Variants in SLC44A1 observed in about 807,000 individuals in gnomAD.
The protein encoded by SLC44A1 is solute carrier family 44 member 1.
SLC44A1 carries 26 observed loss-of-function variants against 79.3 expected under a neutral mutation model. The observed-to-expected ratio is 0.33, with a 90% CI of 0.24 to 0.46. The LOEUF is 0.46. SLC44A1 is among the 20% of genes least tolerant of loss of function. SLC44A1 has a pLI of 1.00. For synonymous variants in SLC44A1, 263 were observed against 286.2 expected, an observed-to-expected ratio of 0.92 and a Z score of 0.82; for missense variants, 688 against 798.1, an observed-to-expected ratio of 0.86 and a Z score of 1.66.
Position 105,396,244 on chromosome 9 carries a change from G to T in SLC44A1, c.*7188G>T. 2 of 984,844 alleles carry T rather than the reference G, an allele frequency of 2.0e-6. No homozygotes were observed. Among genetic ancestry groups the T allele is most frequent in the Non-Finnish European group, 2.4e-6 (2 of 829,460 alleles). 61.0% of individuals were successfully genotyped at this position (984,844 alleles called of 1,614,324 possible). On this transcript the variant is annotated 3_prime_UTR_variant, in exon 16 of 16. Coordinates refer to ENST00000374720, the MANE Select transcript of SLC44A1 (RefSeq NM_080546.5). ...TGTTATACTTTCTCAGAATATTCTG[G>T]ACCACTGAATGCACTTCTAATAGAG...
intron 15 of SLC44A1, among the ~76,000 whole-genome samples, chr9:105,430,657 C>A (rs1380995848): frequency 6.6e-6 from 1 of 152,106 alleles, no homozygotes; most frequent in Non-Finnish European, 1.5e-5. Context: ...ATATTTCGTT[C>A]ATTTATTCAT....
At chr9:105,260,360 C>T (rs1388638090) in intron 1 of SLC44A1, among the ~76,000 whole-genome samples, 2 of 152,144 alleles carry the variant, frequency 1.3e-5, no homozygotes, top group Non-Finnish European at 2.9e-5. Context: ...TTGAACTGCT[C>T]TCCTACACAG....
intron 3 of SLC44A1, among the ~76,000 whole-genome samples, chr9:105,332,358 G>A (rs1017969832): frequency 1.3e-5 from 2 of 152,130 alleles, no homozygotes; most frequent in Non-Finnish European, 2.9e-5. Context: ...GACCTTAAGC[G>A]ATCTGCCCAC....
intron 1 of SLC44A1, among the ~76,000 whole-genome samples, chr9:105,288,021 G>A (rs1445587766): frequency 6.6e-6 from 1 of 152,136 alleles, no homozygotes; most frequent in Non-Finnish European, 1.5e-5. Flanking sequence ...TAATTAAATA[G>A]CATTAATGGA....
At position 105,288,760 on chromosome 9, in the gene SLC44A1, C is replaced by T. The variant is rs573137789; in HGVS notation, c.37-10460C>T. Reference sequence around the variant, plus strand: ...CTTTCAGTTTCTTAACCAATGTTATCAGCGTTCTGAAAGTTTTTCAGTGAG... The same window carrying T: ...CTTTCAGTTTCTTAACCAATGTTATTAGCGTTCTGAAAGTTTTTCAGTGAG... On this transcript the variant is annotated intron_variant, in intron 1 of 15. Coordinates refer to ENST00000374720, the MANE Select transcript of SLC44A1 (RefSeq NM_080546.5). Among the ~76,000 whole-genome samples, 271 of 152,290 alleles carry T rather than the reference C, an allele frequency of 1.8e-3. 1 individual carries two copies. Among genetic ancestry groups the T allele is most frequent in the Middle Eastern group, 0.01 (3 of 294 alleles).
chr9:105,290,064 CCTT>C (rs1312440525), intron 1 of SLC44A1, among the ~76,000 whole-genome samples: 2 of 152,148 alleles, frequency 1.3e-5, no homozygotes, highest in Non-Finnish European at 2.9e-5. Context: ...GATCCACCCT[CCTT>C]GGCCTCCTAA....
intron 1 of SLC44A1, among the ~76,000 whole-genome samples, chr9:105,268,525 C>T (rs1032142076): frequency 5.3e-5 from 8 of 151,266 alleles, no homozygotes; most frequent in Non-Finnish European, 5.9e-5. Flanking sequence ...TTTTTTGAGA[C>T]GGAGTTTCGC....
At chr9:105,433,376 G>T (rs895135715) in intron 15 of SLC44A1, among the ~76,000 whole-genome samples, 5 of 152,000 alleles carry the variant, frequency 3.3e-5, no homozygotes, top group African/African-American at 1.2e-4. Flanking sequence ...GATTTAAATG[G>T]GTACCCCACA....
intron 15 of SLC44A1, among the ~76,000 whole-genome samples, chr9:105,417,981 C>G (rs1306691567): frequency 6.6e-6 from 1 of 151,920 alleles, no homozygotes; most frequent in East Asian, 1.9e-4. Context: ...TGTACCACTA[C>G]AGTCCAGTCT....
At position 105,389,874 on chromosome 9, in the gene SLC44A1, G is replaced by A. The variant is rs1809547055; in HGVS notation, c.*818G>A. 1 of 1,504,056 alleles carries A rather than the reference G, an allele frequency of 6.6e-7. No individual in the cohort carries two copies. The highest frequency in any genetic ancestry group is 8.9e-7 in the Non-Finnish European group (1 of 1,126,532). 93.2% of individuals were successfully genotyped at this position (1,504,056 alleles called of 1,614,324 possible). A position where few individuals can be genotyped will look rare whatever the true frequency, so the allele number is the denominator to read the frequency against. On this transcript the variant is annotated 3_prime_UTR_variant, in exon 16 of 16. Transcript: ENST00000374720. Reference sequence around the variant, plus strand: ...GAAGCTGGGGCACCCAGCGAGTTTAGCCTTTAAGTTTCTGTGTATTGATTT... The same window carrying A: ...GAAGCTGGGGCACCCAGCGAGTTTAACCTTTAAGTTTCTGTGTATTGATTT...
intron 2 of SLC44A1, among the ~76,000 whole-genome samples, chr9:105,302,958 A>G (rs900325732): frequency 1.3e-5 from 2 of 152,196 alleles, no homozygotes; most frequent in Non-Finnish European, 2.9e-5. Flanking sequence ...GTAGTGCTAA[A>G]GGAGAGGAAG....
At chr9:105,282,359 C>G (rs374532460) in intron 1 of SLC44A1, among the ~76,000 whole-genome samples, 55 of 151,906 alleles carry the variant, frequency 3.6e-4, no homozygotes, top group African/African-American at 1.3e-3. Flanking sequence ...TGATCTTTAG[C>G]TGGCTTTCCT....
chr9:105,327,765 G>C (rs1489964045), intron 3 of SLC44A1, among the ~76,000 whole-genome samples: 1 of 152,082 alleles, frequency 6.6e-6, no homozygotes, highest in Non-Finnish European at 1.5e-5. Context: ...CCCAGCTTTA[G>C]ATATCCCTTC....
chr9:105,421,558 A>G (rs1001135965), intron 15 of SLC44A1, among the ~76,000 whole-genome samples: 1 of 150,958 alleles, frequency 6.6e-6, no homozygotes, highest in Non-Finnish European at 1.5e-5. Flanking sequence ...ATCTTGCATT[A>G]GGTTCACAAG....
At chr9:105,314,531 A>G (rs1023775302) in intron 3 of SLC44A1, among the ~76,000 whole-genome samples, 1 of 152,138 alleles carries the variant, frequency 6.6e-6, no homozygotes, top group Admixed American at 6.5e-5. Flanking sequence ...TATTCCATAG[A>G]GGTTTTAAAC....
In SLC44A1 at chr9:105,322,623, G is replaced by A. The variant is rs527898665; in HGVS notation, c.269+12757G>A. Reference sequence around the variant, plus strand: ...CAACAACAAGACTACCTGGACATAGGTTAAGAACAGTGATTGGAACAAAAT... The same window carrying A: ...CAACAACAAGACTACCTGGACATAGATTAAGAACAGTGATTGGAACAAAAT... On this transcript the variant is annotated intron_variant, in intron 3 of 15. Transcript: ENST00000374720. Among the ~76,000 whole-genome samples the A allele has an allele frequency of 2.0e-5, 3 of 152,222 alleles. No homozygotes were observed. The South Asian group carries it at 6.2e-4, about 32-fold the overall frequency.
chr9:105,374,867 T>A (rs1386205382), intron 13 of SLC44A1, 132 bp downstream of exon 13: 17 of 653,400 alleles, frequency 2.6e-5, no homozygotes, highest in Non-Finnish European at 3.7e-5. Context: ...AAGCCCTTAC[T>A]GTGTGTCCAG....
chr9:105,303,635 G>A (rs1438858490), intron 2 of SLC44A1, among the ~76,000 whole-genome samples: 1 of 152,186 alleles, frequency 6.6e-6, no homozygotes, highest in African/African-American at 2.4e-5. Flanking sequence ...GAGGCATAGA[G>A]ATAAGCTCAA....
intron 15 of SLC44A1, among the ~76,000 whole-genome samples, chr9:105,423,962 G>A (rs16936219): frequency 0.032 from 4,886 of 152,176 alleles, 260 homozygotes; most frequent in African/African-American, 0.11. Flanking sequence ...CAACATCATG[G>A]AAGATGAAAT....
Sources: gnomAD v4.1 joint callset for allele counts (sites outside exome capture counted in the v4.1 genomes callset) on GRCh38, gnomAD v4.1.1 for gene constraint, MANE v1.5 for transcripts, NCBI Gene and HGNC (gene_info 2026-07-23, HGNC 2026-07-21) for gene names.